The following DAB2 variants were observed in gnomAD, a reference collection of about 807,000 sequenced individuals.
DAB2 encodes disabled homolog 2.
DAB2 carries 28 observed loss-of-function variants against 71.6 expected under a neutral mutation model. The ratio of observed to expected loss-of-function variants is 0.39; its 90% confidence interval spans 0.29 to 0.54. The LOEUF is 0.54. DAB2 is among the 20% of genes least tolerant of loss of function. DAB2 has a pLI of 0.68. For missense variants in DAB2, 867 were observed against 928.8 expected, an observed-to-expected ratio of 0.93 and a Z score of 0.86; for synonymous variants, 345 against 339.7, an observed-to-expected ratio of 1.02 and a Z score of -0.17.
At chr5:39,415,274 A>G (rs1579927555) in intron 1 of DAB2, among the ~76,000 whole-genome samples, 1 of 152,280 alleles carries the variant, frequency 6.6e-6, no homozygotes, top group East Asian at 1.9e-4. Flanking sequence ...GACCATCTGT[A>G]TGGCAGTAAC....
chr5:39,392,169 A>G, intron 4 of DAB2, 196 bp downstream of exon 4: 3 of 566,570 alleles, frequency 5.3e-6, no homozygotes, highest in Non-Finnish European at 9.5e-6. Context: ...TTTATTATAG[A>G]ACACAAATTC....
At chr5:39,407,905 G>T (rs1405034209) in intron 1 of DAB2, among the ~76,000 whole-genome samples, 2 of 152,062 alleles carry the variant, frequency 1.3e-5, no homozygotes, top group South Asian at 4.1e-4. Flanking sequence ...ACCACACCAG[G>T]GCACTTTAAA....
rs1004095246 is a variant in DAB2, at chr5:39,424,883, G to A, written c.-181C>T. The A allele has an allele frequency of 4.6e-5, 7 of 152,538 alleles. No homozygotes were observed. The highest frequency in any genetic ancestry group is 7.3e-5 in the Non-Finnish European group (5 of 68,076). 9.4% of individuals were successfully genotyped at this position (152,538 alleles called of 1,614,324 possible). A position where few individuals can be genotyped will look rare whatever the true frequency, so the allele number is the denominator to read the frequency against. ...CAGGCTACAGCGCAGCGGATGCGGC[G>A]GGCCTCGCTTAAATAGCCGCCGGCC... On this transcript the variant is annotated 5_prime_UTR_variant, in exon 1 of 15. Coordinates refer to ENST00000320816, the MANE Select transcript of DAB2 (RefSeq NM_001343.4).
chr5:39,421,634 G>T (rs11951093), intron 1 of DAB2, among the ~76,000 whole-genome samples: 1 of 152,004 alleles, frequency 6.6e-6, no homozygotes, highest in African/African-American at 2.4e-5. Flanking sequence ...CCAGGAATTT[G>T]CTTGTTTTCT....
At chr5:39,388,244 T>C (rs1579907571) in intron 9 of DAB2, 61 bp downstream of exon 9, 2 of 1,224,112 alleles carry the variant, frequency 1.6e-6, no homozygotes, top group Non-Finnish European at 2.4e-6. Context: ...TTTCTGGTTA[T>C]TGCCAATTTG....
At chr5:39,416,746 C>T (rs1351973319) in intron 1 of DAB2, among the ~76,000 whole-genome samples, 1 of 152,040 alleles carries the variant, frequency 6.6e-6, no homozygotes, top group Non-Finnish European at 1.5e-5. Flanking sequence ...TATCATTGCC[C>T]TCTGATTCAT....
At chr5:39,413,400 C>G (rs1403831038) in intron 1 of DAB2, among the ~76,000 whole-genome samples, 1 of 152,110 alleles carries the variant, frequency 6.6e-6, no homozygotes, top group African/African-American at 2.4e-5. Context: ...GCCATTATGT[C>G]TTACACCCTA....
At chr5:39,391,590 T>C (rs946697084) in intron 4 of DAB2, among the ~76,000 whole-genome samples, 1 of 152,174 alleles carries the variant, frequency 6.6e-6, no homozygotes, top group African/African-American at 2.4e-5. Flanking sequence ...CACAGTATCG[T>C]GATGCGAGAG....
Position 39,381,467 on chromosome 5 carries a change from G to C in DAB2, c.1491C>G (p.Pro497=). The change falls in exon 11 of 15, where the codon CCC becomes CCG. Residue 497 remains proline, a synonymous_variant. Coordinates refer to ENST00000320816, the MANE Select transcript of DAB2 (RefSeq NM_001343.4). Reference sequence around the variant, plus strand: ...CTAGGCACCTACCTAGACCCACCAGGGGCCCCACTGGGGCAGGAGCACTTG... The same window carrying C: ...CTAGGCACCTACCTAGACCCACCAGCGGCCCCACTGGGGCAGGAGCACTTG... The part of the protein sequence containing the change: ...FKTSAPAPVG[P]LVGLGGVTVT... 5.0e-6 allele frequency: 8 copies of C among 1,613,842 alleles called. No individual in the cohort carries two copies. Among genetic ancestry groups the C allele is most frequent in the South Asian group, 1.1e-5 (1 of 91,046 alleles).
intron 9 of DAB2, chr5:39,385,403 C>T (rs1402220882): frequency 2.0e-5 from 3 of 152,162 alleles, no homozygotes; most frequent in East Asian, 3.9e-4. Flanking sequence ...ACAGGAGCCA[C>T]AATGTTAGAC....
chr5:39,412,307 A>G (rs547340434), intron 1 of DAB2, among the ~76,000 whole-genome samples: 1 of 152,236 alleles, frequency 6.6e-6, no homozygotes, highest in East Asian at 1.9e-4. Flanking sequence ...TGTTGTTTAG[A>G]GCACATGGGG....
At position 39,383,166 on chromosome 5, in the gene DAB2, G is replaced by T. The variant is rs1400798798; in HGVS notation, c.793C>A (p.Leu265Ile). 6.2e-7 allele frequency: 1 copy of T among 1,614,164 alleles called. No homozygotes were observed. Among genetic ancestry groups the T allele is most frequent in the Admixed American group, 1.7e-5 (1 of 60,012 alleles). Residue 265 changes from leucine to isoleucine, a missense_variant, in exon 10 of 15, where the codon CTT (leucine) becomes ATT (isoleucine). Leu to Ile is a conservative substitution (Grantham distance 5). Transcript: ENST00000320816. ...GATGCCTGAGGCGTTGGTCGAGGAA[G>T]AGAACAGGAGGTGATGCCGTTTGTT... ...FLTNGITSCS[L>I]PRPTPQASFL...
At chr5:39,420,902 G>C (rs1755967066) in intron 1 of DAB2, among the ~76,000 whole-genome samples, 1 of 152,130 alleles carries the variant, frequency 6.6e-6, no homozygotes, top group South Asian at 2.1e-4. Flanking sequence ...AGCTATGTGG[G>C]CAAGGATAGT....
rs545491464 is a variant in DAB2, at chr5:39,422,538, G to A, written c.-102+2266C>T. 2.0e-5 allele frequency among the ~76,000 whole-genome samples: 3 copies of A among 152,268 alleles called. No homozygotes were observed. The South Asian group carries it at 6.2e-4, about 32-fold the overall frequency. Reference sequence around the variant, plus strand: ...GAAATATCAGTGGTAGCAAACTTAGGTTTATGGACATATGAGGGTAGAGTT... The same window carrying A: ...GAAATATCAGTGGTAGCAAACTTAGATTTATGGACATATGAGGGTAGAGTT... On this transcript the variant is annotated intron_variant, in intron 1 of 14. Coordinates refer to ENST00000320816, the MANE Select transcript of DAB2 (RefSeq NM_001343.4). This position sits in a 1 kb window ranked among gnomAD's most constrained non-coding sequence, Gnocchi z 4.1.
intron 14 of DAB2, among the ~76,000 whole-genome samples, chr5:39,374,365 C>A (rs1246271844): frequency 7.0e-6 from 1 of 141,976 alleles, no homozygotes; most frequent in East Asian, 1.9e-4. Flanking sequence ...AAGAGTTACA[C>A]TGAGCCCTCC....
intron 1 of DAB2, among the ~76,000 whole-genome samples, chr5:39,409,131 T>TAAA (rs893104991): frequency 7.1e-6 from 1 of 140,824 alleles, no homozygotes. Flanking sequence ...TTATGATTAT[T>TAAA]AAAAAAAAAA....
At chr5:39,376,162 A>T in intron 12 of DAB2, 56 bp from the exon 13 acceptor site, 2 of 1,318,030 alleles carry the variant, frequency 1.5e-6, no homozygotes, top group Non-Finnish European at 2.2e-6. Flanking sequence ...AATATAGGCC[A>T]GTCCCCGAGT....
chr5:39,401,734 T>TTTATTTAC (rs142595386), intron 1 of DAB2, among the ~76,000 whole-genome samples: 2 of 143,934 alleles, frequency 1.4e-5, no homozygotes, highest in African/African-American at 5.2e-5. Context: ...GACTGGGTTA[T>TTTATTTAC]TTATTTATTT....
In DAB2 at chr5:39,375,052, C is replaced by T; in HGVS notation, c.2280G>A (p.Met760Ile). 1.2e-6 allele frequency: 2 copies of T among 1,611,986 alleles called. No individual in the cohort carries two copies. Among genetic ancestry groups the T allele is most frequent in the Non-Finnish European group, 1.7e-6 (2 of 1,178,618 alleles). ...AAGGATTTCCAAATGGATCCCTATA[C>T]ATCTCAGAAGATACAGGTTGAGAAG... ...VASSQPVSSE[M>I]YRDPFGNPFA The change falls in exon 14 of 15, where the codon ATG (methionine) becomes ATA (isoleucine). Residue 760 changes from methionine to isoleucine, a missense_variant. Met to Ile is a conservative substitution (Grantham distance 10). Transcript: ENST00000320816.
Sources: allele counts gnomAD v4.1 joint callset (sites outside exome capture counted in the v4.1 genomes callset), GRCh38; gene constraint gnomAD v4.1.1; non-coding constraint Gnocchi (gnomAD v3.1); transcripts MANE v1.5; gene names NCBI Gene and HGNC (gene_info 2026-07-23, HGNC 2026-07-21).